Variants in GPR158 observed in about 807,000 individuals in gnomAD.
GPR158 encodes the protein metabotropic glycine receptor.
A neutral mutation model predicts 78.2 loss-of-function variants in GPR158; 30 were observed. The ratio of observed to expected loss-of-function variants is 0.38; its 90% confidence interval spans 0.29 to 0.52. The LOEUF (loss-of-function observed/expected upper bound fraction) is 0.52. GPR158 is among the 20% of genes least tolerant of loss of function. The pLI, the probability that GPR158 is intolerant of heterozygous loss-of-function variation, is 0.83. For synonymous variants in GPR158, 581 were observed against 591.1 expected (o/e 0.98, Z 0.25); for missense variants, 1,463 against 1,523.5 (o/e 0.96, Z 0.66).
chr10:25,201,602 C>A (rs1852930942), intron 1 of GPR158, among the ~76,000 whole-genome samples: 1 of 152,162 alleles, frequency 6.6e-6, no homozygotes, highest in Admixed American at 6.5e-5. Context: ...CAGTTTTTGC[C>A]TATTCAGTAT....
In GPR158 at chr10:25,412,399, A is replaced by G. The variant is rs768517065; in HGVS notation, c.1261A>G (p.Ile421Val). Reference protein sequence around the residue: ...QEDKYLRLAIISFQALCMLLD... With the variant: ...QEDKYLRLAIVSFQALCMLLD... The stretch of plus-strand genomic sequence containing the variant: ...AGATAAGTATTTACGACTTGCCATC[A>G]TCTCCTTCCAAGCCCTGTGTATGCT... Residue 421 changes from isoleucine (I) to valine (V), a missense_variant, in exon 4 of 11, where the codon ATC becomes GTC. Coordinates refer to ENST00000376351, the MANE Select transcript of GPR158 (RefSeq NM_020752.3). 3.1e-6 allele frequency: 5 copies of G among 1,613,894 alleles called. No individual in the cohort carries two copies. Among genetic ancestry groups the G allele is most frequent in the East Asian group, 2.2e-5 (1 of 44,898 alleles).
At chr10:25,413,802 G>A (rs902719920) in intron 4 of GPR158, among the ~76,000 whole-genome samples, 4 of 152,168 alleles carry the variant, frequency 2.6e-5, no homozygotes, top group Non-Finnish European at 4.4e-5. Flanking sequence ...AGTTTCATTA[G>A]CAGAAGAATC....
At chr10:25,332,219 T>G (rs1385882773) in intron 2 of GPR158, among the ~76,000 whole-genome samples, 1 of 152,192 alleles carries the variant, frequency 6.6e-6, no homozygotes, top group Admixed American at 6.5e-5. Context: ...CTGACAAGCT[T>G]GGAGGCCCCT....
At chr10:25,244,594 C>T (rs1853665108) in intron 2 of GPR158, 1 of 152,084 alleles carries the variant, frequency 6.6e-6, no homozygotes, top group African/African-American at 2.4e-5. Flanking sequence ...TTATAGTGGC[C>T]AAAGTGCAGA....
chr10:25,388,877 C>G (rs1834256477), intron 2 of GPR158, among the ~76,000 whole-genome samples: 2 of 152,236 alleles, frequency 1.3e-5, no homozygotes, highest in Non-Finnish European at 2.9e-5. Context: ...AGTGCCCACT[C>G]CAATCATGGA....
At chr10:25,503,925 CT>C (rs1450981136) in intron 5 of GPR158, among the ~76,000 whole-genome samples, 2 of 149,878 alleles carry the variant, frequency 1.3e-5, no homozygotes, top group African/African-American at 4.9e-5. Flanking sequence ...GAGCCTCGCT[CT>C]GTCACCCCAG....
intron 2 of GPR158, among the ~76,000 whole-genome samples, chr10:25,274,590 C>G (rs1015798167): frequency 6.6e-6 from 1 of 152,100 alleles, no homozygotes; most frequent in African/African-American, 2.4e-5. Flanking sequence ...GATCCACTTC[C>G]AAGGTATATT....
chr10:25,359,672 G>T (rs968570923), intron 2 of GPR158, among the ~76,000 whole-genome samples: 2 of 152,088 alleles, frequency 1.3e-5, no homozygotes, highest in African/African-American at 4.8e-5. Flanking sequence ...TGGGCATTTT[G>T]GTTGGTTCCA....
intron 5 of GPR158, among the ~76,000 whole-genome samples, chr10:25,541,599 C>CA (rs35714132): frequency 0.3 from 41,263 of 135,534 alleles, 5,990 homozygotes; most frequent in Non-Finnish European, 0.35. Flanking sequence ...AATTCAGTTT[C>CA]AAAAAAAAAA....
At chr10:25,309,624 C>G (rs1482662979) in intron 2 of GPR158, among the ~76,000 whole-genome samples, 1 of 152,084 alleles carries the variant, frequency 6.6e-6, no homozygotes, top group Non-Finnish European at 1.5e-5. Flanking sequence ...CCACCCAAAT[C>G]TAATCTTGAA....
chr10:25,351,435 G>T (rs1208414909), intron 2 of GPR158, among the ~76,000 whole-genome samples: 3 of 151,168 alleles, frequency 2.0e-5, no homozygotes, highest in Admixed American at 6.6e-5. Flanking sequence ...TGGGGGTGGG[G>T]GGGTGCTGGA....
intron 4 of GPR158, among the ~76,000 whole-genome samples, chr10:25,424,029 C>T (rs1313855129): frequency 2.0e-5 from 3 of 152,216 alleles, no homozygotes; most frequent in African/African-American, 4.8e-5. Flanking sequence ...TTCTCCACAT[C>T]CTCTCCAGCA....
intron 2 of GPR158, among the ~76,000 whole-genome samples, chr10:25,301,719 A>G (rs1423904860): frequency 2.1e-5 from 3 of 140,988 alleles, no homozygotes; most frequent in African/African-American, 9.5e-5. Flanking sequence ...TTGAGATTCT[A>G]GAATAGACTT....
At chr10:25,204,817 G>C (rs558117813) in intron 1 of GPR158, among the ~76,000 whole-genome samples, 21 of 130,952 alleles carry the variant, frequency 1.6e-4, no homozygotes, top group African/African-American at 8.0e-4. Flanking sequence ...AGTCTCTGAG[G>C]GTTTTTTTTT....
chr10:25,278,553 C>A (rs1028659837), intron 2 of GPR158, among the ~76,000 whole-genome samples: 9 of 151,842 alleles, frequency 5.9e-5, no homozygotes, highest in Non-Finnish European at 8.8e-5. Context: ...GATGAAAATT[C>A]TTAGATAAAG....
chr10:25,509,008 G>C (rs1220803266), intron 5 of GPR158, among the ~76,000 whole-genome samples: 1 of 152,118 alleles, frequency 6.6e-6, no homozygotes, highest in African/African-American at 2.4e-5. Flanking sequence ...AAAGCTATTG[G>C]CCTCGTTCAA....
intron 2 of GPR158, among the ~76,000 whole-genome samples, chr10:25,242,994 G>C (rs562351775): frequency 6.6e-6 from 1 of 152,298 alleles, no homozygotes; most frequent in Admixed American, 6.5e-5. Flanking sequence ...TAACATGGCA[G>C]GTCCCAGGCA....
intron 5 of GPR158, among the ~76,000 whole-genome samples, chr10:25,492,630 C>T (rs1257360892): frequency 6.6e-6 from 1 of 151,964 alleles, no homozygotes; most frequent in East Asian, 1.9e-4. Flanking sequence ...ACTGTTATAT[C>T]TGCATGTGGA....
intron 3 of GPR158, among the ~76,000 whole-genome samples, chr10:25,403,919 G>T (rs1245646057): frequency 6.6e-6 from 1 of 152,116 alleles, no homozygotes; most frequent in Non-Finnish European, 1.5e-5. Flanking sequence ...TGTATAAACT[G>T]CTGAGGTGCT....
Sources: gnomAD v4.1 joint callset for allele counts (sites outside exome capture counted in the v4.1 genomes callset) on GRCh38, gnomAD v4.1.1 for gene constraint, MANE v1.5 for transcripts, NCBI Gene and HGNC (gene_info 2026-07-23, HGNC 2026-07-21) for gene names.